Variants in BACH2 observed in about 807,000 individuals in gnomAD.
BACH2 encodes the protein BACH transcriptional regulator 2, also known as transcription regulator protein BACH2.
In BACH2, 5 loss-of-function variants were observed where a neutral mutation model predicts 61.8. That is an observed-to-expected ratio of 0.08 (90% confidence interval 0.04 to 0.17). BACH2 has a LOEUF of 0.17. Among genes scored for constraint, BACH2 ranks in the 10% least tolerant of loss-of-function variants. The pLI is 1.00. For synonymous variants in BACH2, 446 were observed against 440.1 expected (o/e 1.01, Z -0.17); for missense variants, 824 against 1,091.1 (o/e 0.76, Z 3.45).
At chr6:90,160,410 T>C (rs1431146047) in intron 4 of BACH2, among the ~76,000 whole-genome samples, 2 of 152,232 alleles carry the variant, frequency 1.3e-5, no homozygotes, top group Non-Finnish European at 2.9e-5. Flanking sequence ...CATCATAACA[T>C]TTATTTAAAA....
At chr6:89,939,596 G>A (rs1773275004) in intron 7 of BACH2, among the ~76,000 whole-genome samples, 1 of 151,386 alleles carries the variant, frequency 6.6e-6, no homozygotes, top group East Asian at 1.9e-4. Flanking sequence ...AGCGAGGACA[G>A]CAGTCTCCTG....
intron 8 of BACH2, among the ~76,000 whole-genome samples, chr6:89,933,157 C>T (rs945726723): frequency 6.6e-5 from 10 of 152,088 alleles, no homozygotes; most frequent in Non-Finnish European, 1.2e-4. Context: ...GCAAAATCGT[C>T]ACGAATCAGA....
At position 89,931,340 on chromosome 6, in the gene BACH2, A is replaced by G. The variant is rs549700962; in HGVS notation, c.*1068T>C. ...AAAGGTGGGGAGGAGGTGAAATATA[A>G]AAATATTCAAGCAGATTATTGTCTA... On this transcript the variant is annotated 3_prime_UTR_variant, in exon 9 of 9. Coordinates refer to ENST00000257749, the MANE Select transcript of BACH2 (RefSeq NM_021813.4). The G allele has an allele frequency of 2.0e-5, 3 of 152,676 alleles. No individual in the cohort carries two copies. The highest frequency in any genetic ancestry group is 7.2e-5 in the African/African-American group (3 of 41,458). The allele number at this position is 152,676 out of a possible 1,614,324, so 9.5% of individuals were successfully genotyped here.
chr6:90,202,198 T>C (rs1768978855), intron 4 of BACH2, among the ~76,000 whole-genome samples: 1 of 152,180 alleles, frequency 6.6e-6, no homozygotes, highest in African/African-American at 2.4e-5. Context: ...TTTTACCAAC[T>C]AGAGCTCTGT....
chr6:90,284,803 T>C (rs1164782455), intron 1 of BACH2, among the ~76,000 whole-genome samples: 1 of 152,240 alleles, frequency 6.6e-6, no homozygotes, highest in East Asian at 1.9e-4. Flanking sequence ...CCACATGTTT[T>C]GAAGGTCTTG....
At chr6:90,042,853 T>C (rs143933085) in intron 5 of BACH2, among the ~76,000 whole-genome samples, 44 of 152,268 alleles carry the variant, frequency 2.9e-4, no homozygotes, top group Non-Finnish European at 5.0e-4. Flanking sequence ...AGAATATGGG[T>C]CAGAAGAGAT....
chr6:90,020,867 G>A (rs1438315856), intron 5 of BACH2, among the ~76,000 whole-genome samples: 1 of 152,160 alleles, frequency 6.6e-6, no homozygotes, highest in South Asian at 2.1e-4. Flanking sequence ...TTTATAGTGA[G>A]TAACAGAACC....
At chr6:90,014,278 T>C (rs1777895267) in intron 5 of BACH2, among the ~76,000 whole-genome samples, 1 of 137,382 alleles carries the variant, frequency 7.3e-6, no homozygotes. Flanking sequence ...TTCTAAAAGC[T>C]TTTTTTTTTT....
At chr6:90,237,420 T>G (rs1770296624) in intron 3 of BACH2, among the ~76,000 whole-genome samples, 1 of 152,244 alleles carries the variant, frequency 6.6e-6, no homozygotes, top group African/African-American at 2.4e-5. Context: ...CAGTGTAGTT[T>G]TATTTCCTCA....
chr6:90,015,288 T>C (rs1777999575), intron 5 of BACH2, among the ~76,000 whole-genome samples: 1 of 152,140 alleles, frequency 6.6e-6, no homozygotes, highest in East Asian at 1.9e-4. Flanking sequence ...ATCTCTATTC[T>C]CATTGTTATA....
intron 3 of BACH2, among the ~76,000 whole-genome samples, chr6:90,217,595 G>GT (rs1369587917): frequency 6.6e-6 from 1 of 151,980 alleles, no homozygotes; most frequent in Non-Finnish European, 1.5e-5. Context: ...TACATTTGTT[G>GT]TAAGAATGTA....
intron 4 of BACH2, among the ~76,000 whole-genome samples, chr6:90,139,426 A>G (rs1784388879): frequency 6.6e-6 from 1 of 152,210 alleles, no homozygotes; most frequent in Non-Finnish European, 1.5e-5. Flanking sequence ...GGCTGTGTGC[A>G]TGCACAGTGA....
intron 5 of BACH2, among the ~76,000 whole-genome samples, chr6:90,065,299 T>TTTTTTTTTTTTTTTTTA (rs1491173989): frequency 1.1e-5 from 1 of 92,064 alleles, no homozygotes; most frequent in African/African-American, 3.9e-5. Flanking sequence ...TTTTTTTTTT[T>TTTTTTTTTTTTTTTTTA]ACCCCTGAGG....
chr6:90,159,766 T>C (rs1042899116), intron 4 of BACH2, among the ~76,000 whole-genome samples: 2 of 152,206 alleles, frequency 1.3e-5, no homozygotes, highest in Non-Finnish European at 2.9e-5. Flanking sequence ...CATTGTACTG[T>C]ACAAAACTGG....
At position 90,008,973 on chromosome 6, in the gene BACH2, G is replaced by T. The variant is rs1562365125; in HGVS notation, c.-12-117C>A. On this transcript the variant is annotated intron_variant, in intron 5 of 8. Coordinates refer to ENST00000257749, the MANE Select transcript of BACH2 (RefSeq NM_021813.4). This position sits in a 1 kb window ranked among gnomAD's most constrained non-coding sequence, Gnocchi z 4.1. ...TGGTTCCTGTGTCCCACTGCCATGAGCATGGCAGGAAGGAGGGGAATTACC... is the reference window on the plus strand; with the variant it reads ...TGGTTCCTGTGTCCCACTGCCATGATCATGGCAGGAAGGAGGGGAATTACC... 20 of 1,227,824 alleles carry T rather than the reference G, an allele frequency of 1.6e-5. No homozygotes were observed. The highest frequency in any genetic ancestry group is 1.9e-5 in the Non-Finnish European group (17 of 895,906). 76.1% of individuals were successfully genotyped at this position (1,227,824 alleles called of 1,614,324 possible).
intron 5 of BACH2, among the ~76,000 whole-genome samples, chr6:90,079,194 GT>G (rs566180288): frequency 1.4e-4 from 21 of 152,302 alleles, no homozygotes; most frequent in African/African-American, 3.8e-4. Context: ...ATGCAGGGGA[GT>G]TTTTACTTGG....
intron 5 of BACH2, among the ~76,000 whole-genome samples, chr6:90,047,317 G>A (rs1464575526): frequency 6.6e-6 from 1 of 152,152 alleles, no homozygotes; most frequent in African/African-American, 2.4e-5. Context: ...TAATGTAACT[G>A]TTCTGTGCTG....
At chr6:90,005,674 G>A (rs904066761) in intron 6 of BACH2, among the ~76,000 whole-genome samples, 3 of 152,306 alleles carry the variant, frequency 2.0e-5, no homozygotes, top group African/African-American at 7.2e-5. Context: ...CTTCAAAGGA[G>A]GCCTCAGAAA....
chr6:90,131,358 C>G (rs1286304960), intron 4 of BACH2, among the ~76,000 whole-genome samples: 2 of 152,214 alleles, frequency 1.3e-5, no homozygotes, highest in Non-Finnish European at 1.5e-5. Context: ...ACACTGCCGG[C>G]TGGCTTCAAA....
Sources: gnomAD v4.1 joint callset for allele counts (sites outside exome capture counted in the v4.1 genomes callset) on GRCh38, gnomAD v4.1.1 for gene constraint, Gnocchi (gnomAD v3.1) non-coding constraint, MANE v1.5 for transcripts, NCBI Gene and HGNC (gene_info 2026-07-23, HGNC 2026-07-21) for gene names.